The following FGF13 variants were observed in gnomAD, a reference collection of about 807,000 sequenced individuals.
FGF13 encodes fibroblast growth factor 13.
In FGF13, 2 loss-of-function variants were observed where a neutral mutation model predicts 19.5. The observed-to-expected ratio is 0.10, with a 90% confidence interval of 0.04 to 0.32. The LOEUF is 0.32. FGF13 is among the 10% of genes least tolerant of loss of function. FGF13 has a pLI of 1.00. For missense variants in FGF13, 113 were observed against 192.7 expected (o/e 0.59, Z 2.45); for synonymous variants, 72 against 76.9 (o/e 0.94, Z 0.33).
At chrX:139,147,427 T>C (rs1301712451) in intron 1 of FGF13, among the ~76,000 whole-genome samples, 3 of 111,503 alleles carry the variant, frequency 2.7e-5, no homozygotes, top group Non-Finnish European at 5.6e-5. Context: ...TCTTACCACA[T>C]ACCTGTGCTG....
At chrX:138,655,362 T>C (rs780815560) in intron 3 of FGF13, among the ~76,000 whole-genome samples, 3 of 112,243 alleles carry the variant, frequency 2.7e-5, no homozygotes, top group East Asian at 2.8e-4. Flanking sequence ...TGGATTATTG[T>C]TGAGTGAATA....
chrX:139,053,001 C>G (rs2092307505), intron 1 of FGF13, among the ~76,000 whole-genome samples: 2 of 106,514 alleles, frequency 1.9e-5, no homozygotes, highest in Admixed American at 2.0e-4. Context: ...TATCCCTTGC[C>G]CCCCTCCCAC....
chrX:138,921,472 T>C (rs1347154981), intron 1 of FGF13, among the ~76,000 whole-genome samples: 1 of 111,967 alleles, frequency 8.9e-6, no homozygotes, highest in Non-Finnish European at 1.9e-5. Context: ...CTGACAATGT[T>C]GATTGAATAG....
intron 1 of FGF13, among the ~76,000 whole-genome samples, chrX:138,971,839 G>A (rs772175769): frequency 1.8e-5 from 2 of 111,340 alleles, no homozygotes; most frequent in East Asian, 2.8e-4. Context: ...CATACCCATC[G>A]ATCAACCTCT....
chrX:139,007,586 C>T (rs1423093107), intron 1 of FGF13, among the ~76,000 whole-genome samples: 1 of 112,298 alleles, frequency 8.9e-6, no homozygotes, highest in African/African-American at 3.2e-5. Context: ...CAAGGATAAA[C>T]CATATGTTAG....
At chrX:138,670,620 A>G (rs1370093352) in intron 3 of FGF13, among the ~76,000 whole-genome samples, 1 of 111,890 alleles carries the variant, frequency 8.9e-6, no homozygotes, top group Non-Finnish European at 1.9e-5. Context: ...TCAAGTAGAT[A>G]TATGTGTATA....
intron 1 of FGF13, among the ~76,000 whole-genome samples, chrX:139,067,930 T>G: frequency 9.4e-6 from 1 of 106,043 alleles, no homozygotes; most frequent in Non-Finnish European, 1.9e-5. Flanking sequence ...TCCCATTTTG[T>G]AGGTTGCCTG....
At chrX:139,060,060 T>C (rs886319350) in intron 1 of FGF13, among the ~76,000 whole-genome samples, 1 of 111,902 alleles carries the variant, frequency 8.9e-6, no homozygotes, top group Non-Finnish European at 1.9e-5. Flanking sequence ...TTTTAATATA[T>C]ACTAATTTGA....
chrX:139,021,680 T>C (rs905140835), intron 1 of FGF13, among the ~76,000 whole-genome samples: 1 of 111,239 alleles, frequency 9.0e-6, no homozygotes, highest in Non-Finnish European at 1.9e-5. Context: ...AGAATTGCTT[T>C]AATAAAGAAC....
chrX:138,765,193 GAAGT>G (rs759909499), intron 3 of FGF13, among the ~76,000 whole-genome samples: 15 of 112,196 alleles, frequency 1.3e-4, no homozygotes, highest in Admixed American at 8.5e-4. Flanking sequence ...TCCAGTGAGA[GAAGT>G]AATTATTAAT....
intron 1 of FGF13, among the ~76,000 whole-genome samples, chrX:138,874,199 C>A (rs1440285983): frequency 6.1e-5 from 6 of 98,288 alleles, no homozygotes; most frequent in Admixed American, 1.1e-4. Flanking sequence ...AAAAAAAAAA[C>A]CATTTCCCAA....
intron 3 of FGF13, among the ~76,000 whole-genome samples, chrX:138,693,072 T>C (rs1445316615): frequency 2.7e-5 from 3 of 111,705 alleles, no homozygotes; most frequent in African/African-American, 9.7e-5. Flanking sequence ...ATTTTTGTTA[T>C]TTTCTTAGAG....
chrX:139,118,833 G>A (rs1331536973), intron 1 of FGF13, among the ~76,000 whole-genome samples: 2 of 110,504 alleles, frequency 1.8e-5, no homozygotes, highest in Admixed American at 1.9e-4. Flanking sequence ...ACCAGCCTGG[G>A]CAACATATGG....
chrX:138,994,221 T>C (rs138944073), intron 1 of FGF13, among the ~76,000 whole-genome samples: 1 of 111,488 alleles, frequency 9.0e-6, no homozygotes, highest in Non-Finnish European at 1.9e-5. Flanking sequence ...GCTCCCTTCC[T>C]GGTTGCAGAT....
chrX:139,057,274 A>G (rs934084395), intron 1 of FGF13, among the ~76,000 whole-genome samples: 13 of 111,100 alleles, frequency 1.2e-4, no homozygotes, highest in Non-Finnish European at 2.1e-4. Context: ...TGGTATCAGT[A>G]TTATTTTCTG....
chrX:138,949,628 A>C (rs763625303), intron 1 of FGF13, among the ~76,000 whole-genome samples: 57 of 111,961 alleles, frequency 5.1e-4, no homozygotes, highest in African/African-American at 1.8e-3. Flanking sequence ...ATTTAGGGGG[A>C]ATCACTTCAA....
intron 1 of FGF13, among the ~76,000 whole-genome samples, chrX:139,022,448 C>T (rs928027227): frequency 1.8e-5 from 2 of 111,670 alleles, no homozygotes; most frequent in Non-Finnish European, 3.8e-5. Flanking sequence ...GCAGTAATCA[C>T]ATCCAATATT....
chrX:138,806,904 C>T (rs1234150069), intron 3 of FGF13: 2 of 111,350 alleles, frequency 1.8e-5, no homozygotes, highest in Non-Finnish European at 3.8e-5. Context: ...GCACTGAGGG[C>T]CTTAGAGAGG....
At chrX:138,839,401 C>T (rs1247094241) in intron 3 of FGF13, among the ~76,000 whole-genome samples, 5 of 111,301 alleles carry the variant, frequency 4.5e-5, no homozygotes, top group Non-Finnish European at 9.4e-5. Context: ...GGTTATTCCA[C>T]GAATCTATCA....
Sources: gnomAD v4.1 joint callset for allele counts (sites outside exome capture counted in the v4.1 genomes callset) on GRCh38, gnomAD v4.1.1 for gene constraint, MANE v1.5 for transcripts, NCBI Gene and HGNC (gene_info 2026-07-23, HGNC 2026-07-21) for gene names.